The following PMEPA1 variants were observed in gnomAD, a reference collection of about 807,000 sequenced individuals.
PMEPA1 encodes protein TMEPAI.
Under a neutral mutation model 23.0 loss-of-function variants are expected in PMEPA1, and 11 were observed. The observed-to-expected ratio is 0.48, with a 90% confidence interval of 0.30 to 0.79. The LOEUF (loss-of-function observed/expected upper bound fraction) is 0.79, where lower values mean the gene tolerates loss of function less well. PMEPA1 is among the 30% of genes least tolerant of loss of function. The pLI is 0.06. For missense variants in PMEPA1, 377 were observed against 390.9 expected (o/e 0.96, Z 0.30); for synonymous variants, 204 against 166.4 (o/e 1.23, Z -1.74).
intron 1 of PMEPA1, among the ~76,000 whole-genome samples, chr20:57,703,226 C>T (rs368648933): frequency 2.0e-5 from 3 of 152,246 alleles, no homozygotes; most frequent in Non-Finnish European, 2.9e-5. Flanking sequence ...GGCCCCTCCC[C>T]GGCCCTCCCC....
chr20:57,696,797 G>T (rs947182390), intron 1 of PMEPA1, among the ~76,000 whole-genome samples: 1 of 152,228 alleles, frequency 6.6e-6, no homozygotes, highest in South Asian at 2.1e-4. Flanking sequence ...AGGGAATGCC[G>T]CGAAGCGCTC....
At chr20:57,697,135 T>C (rs1243380608) in intron 1 of PMEPA1, among the ~76,000 whole-genome samples, 1 of 152,212 alleles carries the variant, frequency 6.6e-6, no homozygotes, top group African/African-American at 2.4e-5. Context: ...GAGGAGCAGA[T>C]GGGAGTTGGT....
intron 1 of PMEPA1, among the ~76,000 whole-genome samples, chr20:57,691,150 A>G (rs2071877172): frequency 6.6e-6 from 1 of 152,176 alleles, no homozygotes; most frequent in African/African-American, 2.4e-5. Context: ...TGTGTCCAAA[A>G]CACTAGGCCC....
intron 1 of PMEPA1, among the ~76,000 whole-genome samples, chr20:57,673,425 G>T (rs948364509): frequency 3.9e-5 from 6 of 152,122 alleles, no homozygotes; most frequent in Non-Finnish European, 7.4e-5. Context: ...GCCTTTCCTC[G>T]GTCTATGTCT....
chr20:57,687,787 T>G (rs535905091), intron 1 of PMEPA1, among the ~76,000 whole-genome samples: 5 of 152,364 alleles, frequency 3.3e-5, no homozygotes, highest in African/African-American at 1.2e-4. Flanking sequence ...CCTCTGCACC[T>G]GTGCTACAGG....
intron 1 of PMEPA1, among the ~76,000 whole-genome samples, chr20:57,677,502 C>T (rs1013621748): frequency 6.6e-6 from 1 of 152,152 alleles, no homozygotes; most frequent in Admixed American, 6.5e-5. Flanking sequence ...AGAAGTGGCC[C>T]TCGATTAACA....
chr20:57,668,958 C>T (rs1449191970), intron 1 of PMEPA1, among the ~76,000 whole-genome samples: 2 of 152,128 alleles, frequency 1.3e-5, no homozygotes, highest in Non-Finnish European at 1.5e-5. Flanking sequence ...CCTGTGCCTG[C>T]TTTACTGATC....
At chr20:57,696,689 T>C (rs1429431183) in intron 1 of PMEPA1, among the ~76,000 whole-genome samples, 1 of 152,206 alleles carries the variant, frequency 6.6e-6, no homozygotes, top group African/African-American at 2.4e-5. Context: ...GCCTCCCAGA[T>C]TCTCCCCTTT....
intron 1 of PMEPA1, among the ~76,000 whole-genome samples, chr20:57,689,917 G>T (rs1163429493): frequency 6.6e-6 from 1 of 152,164 alleles, no homozygotes. Context: ...TGGGGCTGAC[G>T]TGGGTCCCAG....
intron 1 of PMEPA1, among the ~76,000 whole-genome samples, chr20:57,665,345 T>C (rs2071477327): frequency 6.6e-6 from 1 of 152,088 alleles, no homozygotes; most frequent in Non-Finnish European, 1.5e-5. Flanking sequence ...GGTTTCATTC[T>C]CCTGCTAAAT....
intron 1 of PMEPA1, among the ~76,000 whole-genome samples, chr20:57,700,873 C>T (rs1243067989): frequency 1.1e-4 from 16 of 151,826 alleles, no homozygotes; most frequent in Non-Finnish European, 2.9e-5. Context: ...ACTAAAAATA[C>T]AAAAAAACTA....
chr20:57,699,603 C>T (rs1007723379), intron 1 of PMEPA1, among the ~76,000 whole-genome samples: 5 of 152,164 alleles, frequency 3.3e-5, no homozygotes, highest in East Asian at 1.9e-4. Context: ...GGCAGTCTCT[C>T]GGGATTTGGT....
chr20:57,652,229 GCGGCGGCCC>G lies in PMEPA1; in HGVS notation c.679_687del (p.Gly227_Pro229del). On this transcript the variant is annotated inframe_deletion, in exon 4 of 4. Transcript: ENST00000341744. The surrounding 1 kb of genome is among the most constrained non-coding windows in gnomAD (Gnocchi z 6.1). ...TGGCCGATGACCTCGCTGTAGGTGG[GCGGCGGCCC>G]CTCCATGCGCCCGCCGCTGCCGTAG... The G allele has an allele frequency of 6.2e-7, 1 of 1,607,738 alleles. No individual in the cohort carries two copies. The highest frequency in any genetic ancestry group is 8.5e-7 in the Non-Finnish European group (1 of 1,179,284).
At chr20:57,668,624 C>T (rs1253330301) in intron 1 of PMEPA1, among the ~76,000 whole-genome samples, 2 of 152,182 alleles carry the variant, frequency 1.3e-5, no homozygotes, top group Non-Finnish European at 2.9e-5. Flanking sequence ...GCTGGAGCAC[C>T]TCTGCAGAGT....
At chr20:57,663,012 C>T (rs2071444971) in intron 1 of PMEPA1, among the ~76,000 whole-genome samples, 1 of 152,194 alleles carries the variant, frequency 6.6e-6, no homozygotes, top group Non-Finnish European at 1.5e-5. Context: ...GCCCCAGGGG[C>T]AGGGGGATCT....
rs372985392 is a variant in PMEPA1, at chr20:57,652,572, G to A, written c.345C>T (p.Pro115=). ...PEPQVYAPPR[P]TDRLAVPPFA... ...AGGGCGGCACGGCCAGGCGGTCGGT[G>A]GGCCGAGGCGGGGCGTAGACCTGCG... The change falls in exon 4 of 4, where the codon CCC becomes CCT. Residue 115 remains proline (P), a synonymous_variant. Transcript: ENST00000341744. This position sits in a 1 kb window ranked among gnomAD's most constrained non-coding sequence, Gnocchi z 6.1. The A allele has an allele frequency of 4.9e-5, 74 of 1,507,624 alleles. No individual in the cohort carries two copies. In the Middle Eastern group the frequency reaches 5.4e-4, roughly 11 times the overall value. The allele number at this position is 1,507,624 out of a possible 1,614,324, so 93.4% of individuals were successfully genotyped here.
rs527270859 is a variant in PMEPA1 at position 57,696,600 on chromosome 20, C to A, written c.109+12874G>T. On this transcript the variant is annotated intron_variant, in intron 1 of 3. Coordinates refer to ENST00000341744, the MANE Select transcript of PMEPA1 (RefSeq NM_020182.5). ...TAGGAATTGCTAGGGTTCAAAAAGC[C>A]GCGACGTCACCGGCAAGAACCCAGA... is the stretch of plus-strand genomic sequence containing the variant. Among the ~76,000 whole-genome samples, 6 of 152,306 alleles carry A rather than the reference C, an allele frequency of 3.9e-5. No homozygotes were observed. The East Asian group carries it at 1.2e-3, about 29-fold the overall frequency.
At position 57,682,409 on chromosome 20, in the gene PMEPA1, T is replaced by C. The variant is rs1295345499; in HGVS notation, c.110-22712A>G. 6.6e-6 allele frequency among the ~76,000 whole-genome samples: 1 copy of C among 152,158 alleles called. No homozygotes were observed. The highest frequency in any genetic ancestry group is 1.5e-5 in the Non-Finnish European group (1 of 68,018). On this transcript the variant is annotated intron_variant, in intron 1 of 3. Coordinates refer to ENST00000341744, the MANE Select transcript of PMEPA1 (RefSeq NM_020182.5). The surrounding 1 kb of genome is among the most constrained non-coding windows in gnomAD (Gnocchi z 4.4). ...GAAATGACAGCCCGCTGCCCTTGCA[T>C]ACCTAAGCACAAAGTCACTGGTAAC...
At chr20:57,676,060 G>A (rs774857160) in intron 1 of PMEPA1, among the ~76,000 whole-genome samples, 4 of 152,226 alleles carry the variant, frequency 2.6e-5, no homozygotes, top group Admixed American at 6.5e-5. Flanking sequence ...CAAATTCTGG[G>A]AAGACGAGGT....
Sources: allele counts gnomAD v4.1 joint callset (sites outside exome capture counted in the v4.1 genomes callset), GRCh38; gene constraint gnomAD v4.1.1; non-coding constraint Gnocchi (gnomAD v3.1); transcripts MANE v1.5; gene names NCBI Gene and HGNC (gene_info 2026-07-23, HGNC 2026-07-21).